The following MED13 variants were observed in gnomAD, a reference collection of about 807,000 sequenced individuals.
MED13 encodes mediator of RNA polymerase II transcription subunit 13.
In MED13, 23 loss-of-function variants were observed where a neutral mutation model predicts 225.2. The ratio of observed to expected loss-of-function variants is 0.10; its 90% confidence interval spans 0.07 to 0.14. The LOEUF (loss-of-function observed/expected upper bound fraction) is 0.14, where lower values mean the gene tolerates loss of function less well. MED13 is among the 10% of genes least tolerant of loss of function. The pLI is 1.00. For synonymous variants in MED13, 942 were observed against 889.2 expected, an observed-to-expected ratio of 1.06 and a Z score of -1.06; for missense variants, 2,197 against 2,594.5, an observed-to-expected ratio of 0.85 and a Z score of 3.33.
At chr17:62,033,432 CATTTA>C (rs1196129487) in intron 5 of MED13, among the ~76,000 whole-genome samples, 1 of 152,196 alleles carries the variant, frequency 6.6e-6, no homozygotes, top group Non-Finnish European at 1.5e-5. Flanking sequence ...TTGGCTTGGC[CATTTA>C]ACTAGCTTTG....
chr17:61,982,115 G>A lies in MED13; in HGVS notation c.3805+83C>T, dbSNP rs1359026865. On this transcript the variant is annotated intron_variant, in intron 16 of 29. Coordinates refer to ENST00000397786, the MANE Select transcript of MED13 (RefSeq NM_005121.3). ...AACTTTAAATGTATTTGCCACATGG[G>A]AAACTGCCTTTATTACTTTTTCCTA... The A allele has an allele frequency of 3.7e-6, 5 of 1,346,126 alleles. No homozygotes were observed. The African/African-American group carries it at 7.3e-5, about 20-fold the overall frequency. The allele number at this position is 1,346,126 out of a possible 1,614,324, so 83.4% of individuals were successfully genotyped here.
chr17:62,059,607 C>T (rs569527775), intron 2 of MED13, among the ~76,000 whole-genome samples: 1 of 152,286 alleles, frequency 6.6e-6, no homozygotes, highest in East Asian at 1.9e-4. Flanking sequence ...CCTGTACTGT[C>T]CAGCTGCTCT....
chr17:62,049,246 A>G (rs2080932384), intron 3 of MED13, among the ~76,000 whole-genome samples: 1 of 152,086 alleles, frequency 6.6e-6, no homozygotes, highest in Admixed American at 6.6e-5. Context: ...ACAAGAGGAG[A>G]AAAAAAGGGA....
chr17:61,960,875 A>T lies in MED13; in HGVS notation c.5472T>A (p.Val1824=). 1 of 1,597,414 alleles carries T rather than the reference A, an allele frequency of 6.3e-7. No individual in the cohort carries two copies. The highest frequency in any genetic ancestry group is 8.6e-7 in the Non-Finnish European group (1 of 1,166,458). The change falls in exon 23 of 30, where the codon GTT becomes GTA. Residue 1824 remains valine, a synonymous_variant. Coordinates refer to ENST00000397786, the MANE Select transcript of MED13 (RefSeq NM_005121.3). The part of the protein sequence containing the change: ...LLETCIINID[V]PNRARRKKSS... ...TAGGGAAATACAAATACCTATTTGG[A>T]ACATCGATGTTAATGATACAAGTTT...
rs1412245165 is a variant in MED13, at chr17:61,979,955, G to A, written c.3805+2243C>T. 5.9e-5 allele frequency among the ~76,000 whole-genome samples: 9 copies of A among 152,158 alleles called. No homozygotes were observed. In the East Asian group the frequency reaches 9.7e-4, roughly 16 times the overall value. On this transcript the variant is annotated intron_variant, in intron 16 of 29. Coordinates refer to ENST00000397786, the MANE Select transcript of MED13 (RefSeq NM_005121.3). The stretch of plus-strand genomic sequence containing the variant: ...TGTAATCCCAGCACTTTGGGAGGCC[G>A]AGGCAGGTGGATTGCCTGAGCTCAG...
intron 3 of MED13, among the ~76,000 whole-genome samples, chr17:62,049,533 A>T (rs1279188173): frequency 6.6e-6 from 1 of 152,170 alleles, no homozygotes; most frequent in Non-Finnish European, 1.5e-5. Flanking sequence ...TTTACAAAAA[A>T]AGTGGCAGAG....
At chr17:61,997,007 T>C (rs1237485499) in intron 9 of MED13, among the ~76,000 whole-genome samples, 1 of 152,178 alleles carries the variant, frequency 6.6e-6, no homozygotes, top group Non-Finnish European at 1.5e-5. Context: ...TAAACAATTT[T>C]TACACACTAG....
intron 8 of MED13, among the ~76,000 whole-genome samples, chr17:62,027,683 A>C (rs542263476): frequency 6.6e-6 from 1 of 152,304 alleles, no homozygotes; most frequent in African/African-American, 2.4e-5. Flanking sequence ...AACTATGCTG[A>C]CAAATGTCTA....
intron 26 of MED13, 46 bp downstream of exon 26, chr17:61,955,336 T>C (rs760742059): frequency 8.6e-6 from 12 of 1,403,496 alleles, no homozygotes; most frequent in Non-Finnish European, 3.8e-6. Context: ...ATGAATTTAT[T>C]TTGGGGGGTA....
chr17:61,955,310 G>T, intron 26 of MED13, 72 bp downstream of exon 26: 3 of 1,239,622 alleles, frequency 2.4e-6, no homozygotes, highest in Non-Finnish European at 3.3e-6. Flanking sequence ...ACATTCACAC[G>T]TTTCAGGTAT....
chr17:61,979,929 C>T (rs567370221), intron 16 of MED13, among the ~76,000 whole-genome samples: 52 of 152,278 alleles, frequency 3.4e-4, no homozygotes, highest in African/African-American at 1.2e-3. Flanking sequence ...TGGCTCACAC[C>T]TGTAATCCCA....
intron 12 of MED13, among the ~76,000 whole-genome samples, chr17:61,985,633 T>C (rs2143474572): frequency 6.6e-6 from 1 of 152,242 alleles, no homozygotes; most frequent in African/African-American, 2.4e-5. Flanking sequence ...ACTGCACCAC[T>C]GCACTCCAGC....
At chr17:61,948,853 G>A (rs1019927241) in intron 28 of MED13, among the ~76,000 whole-genome samples, 14 of 151,238 alleles carry the variant, frequency 9.3e-5, no homozygotes, top group Non-Finnish European at 1.5e-4. Context: ...TTGGGAGGCC[G>A]AGGCGGGCGG....
At chr17:61,995,463 A>G (rs914612947) in intron 9 of MED13, 98 bp from the exon 10 acceptor site, 1 of 750,318 alleles carries the variant, frequency 1.3e-6, no homozygotes. Flanking sequence ...TTACTTAAAG[A>G]TTATCTAACC....
chr17:62,058,539 A>G (rs200250054), intron 2 of MED13, among the ~76,000 whole-genome samples: 208 of 146,380 alleles, frequency 1.4e-3, no homozygotes, highest in South Asian at 6.3e-3. Context: ...AAAAAAAAAA[A>G]AAAGAAAGAA....
intron 7 of MED13, 42 bp from the exon 8 acceptor site, chr17:62,029,693 T>C (rs1381642909): frequency 6.3e-7 from 1 of 1,578,358 alleles, no homozygotes; most frequent in South Asian, 1.1e-5. Flanking sequence ...TTCATAAAAT[T>C]TTCTATCAAA....
chr17:61,976,454 T>C (rs957554527), intron 16 of MED13, among the ~76,000 whole-genome samples: 1 of 152,156 alleles, frequency 6.6e-6, no homozygotes, highest in Non-Finnish European at 1.5e-5. Context: ...GGGTTTAATA[T>C]GAAAATGTTT....
At chr17:62,063,825 A>G (rs533732065) in intron 1 of MED13, among the ~76,000 whole-genome samples, 2 of 152,358 alleles carry the variant, frequency 1.3e-5, no homozygotes, top group South Asian at 4.1e-4. Context: ...GAACTGTCAG[A>G]TTTGTGCTAG....
At chr17:61,991,112 ATTT>A (rs966202662) in intron 11 of MED13, among the ~76,000 whole-genome samples, 2 of 151,944 alleles carry the variant, frequency 1.3e-5, no homozygotes, top group Non-Finnish European at 2.9e-5. Flanking sequence ...TCATTTTTCA[ATTT>A]TTATTTATTT....
Sources: allele counts gnomAD v4.1 joint callset (sites outside exome capture counted in the v4.1 genomes callset), GRCh38; gene constraint gnomAD v4.1.1; transcripts MANE v1.5; gene names NCBI Gene and HGNC (gene_info 2026-07-23, HGNC 2026-07-21).